Variants in STXBP5L observed in about 807,000 individuals in gnomAD.
The protein encoded by STXBP5L is syntaxin binding protein 5L.
A neutral mutation model predicts 144.5 loss-of-function variants in STXBP5L; 65 were observed. That is an observed-to-expected ratio of 0.45 (90% CI 0.37 to 0.55). The LOEUF is 0.55. Ranked by LOEUF, STXBP5L falls within the 20% of genes least tolerant of loss-of-function variation. The pLI is 0.00. For synonymous variants in STXBP5L, 505 were observed against 469.6 expected (o/e 1.08, Z -0.97); for missense variants, 1,298 against 1,405.5 (o/e 0.92, Z 1.22).
intron 5 of STXBP5L, among the ~76,000 whole-genome samples, chr3:121,069,488 C>T (rs1396759395): frequency 6.6e-6 from 1 of 151,832 alleles, no homozygotes; most frequent in Non-Finnish European, 1.5e-5. Context: ...CATAAGTTTT[C>T]GTCTCTCGGT....
rs368646754 is a variant in STXBP5L at position 120,958,773 on chromosome 3, C to G, written c.287+3736C>G. Among the ~76,000 whole-genome samples, 194 of 151,672 alleles carry G rather than the reference C, an allele frequency of 1.3e-3. 2 individuals are homozygous for G. The highest frequency in any genetic ancestry group is 0.01 in the Middle Eastern group (3 of 294). ...CGTATCTCTAAATAATAAGAGCTAT[C>G]TATGACAAACCCACAGCCAATATTA... On this transcript the variant is annotated intron_variant, in intron 3 of 26. Transcript: ENST00000471454.
At chr3:121,266,979 G>A (rs1481254661) in intron 18 of STXBP5L, among the ~76,000 whole-genome samples, 3 of 151,432 alleles carry the variant, frequency 2.0e-5, no homozygotes, top group Non-Finnish European at 3.0e-5. Flanking sequence ...CAAACAGATG[G>A]AAAAACATTC....
intron 3 of STXBP5L, among the ~76,000 whole-genome samples, chr3:120,975,515 C>T (rs1423643739): frequency 6.6e-6 from 1 of 152,166 alleles, no homozygotes. Context: ...TTCCTCTTTT[C>T]CTAATTGAAT....
chr3:121,410,381 A>C (rs2047087778), intron 23 of STXBP5L, among the ~76,000 whole-genome samples: 1 of 152,008 alleles, frequency 6.6e-6, no homozygotes, highest in Admixed American at 6.6e-5. Context: ...ACTGAAAAGG[A>C]AATAATTTTG....
chr3:121,170,722 C>G (rs1365736539), intron 9 of STXBP5L, among the ~76,000 whole-genome samples: 1 of 152,012 alleles, frequency 6.6e-6, no homozygotes, highest in Non-Finnish European at 1.5e-5. Flanking sequence ...CCAAAAACAA[C>G]CCAGCACCAG....
At chr3:121,032,477 A>C (rs1462263625) in intron 3 of STXBP5L, among the ~76,000 whole-genome samples, 1 of 152,046 alleles carries the variant, frequency 6.6e-6, no homozygotes. Flanking sequence ...CCTAGAAGAA[A>C]ACCTAGGCAT....
rs146885070 is a variant in STXBP5L at position 121,195,646 on chromosome 3, A to G, written c.878-10277A>G. 4.8e-3 allele frequency among the ~76,000 whole-genome samples: 734 copies of G among 152,308 alleles called. 10 individuals are homozygous for G. The highest frequency in any genetic ancestry group is 0.016 in the African/African-American group (676 of 41,554). On this transcript the variant is annotated intron_variant, in intron 9 of 26. Coordinates refer to ENST00000471454, the MANE Select transcript of STXBP5L (RefSeq NM_001308330.2). Reference sequence around the variant, plus strand: ...AATATTTCAGTGAATTAGTGTGTGTATGTGTATCACATTTTCTGCTTTAGT... The same window carrying G: ...AATATTTCAGTGAATTAGTGTGTGTGTGTGTATCACATTTTCTGCTTTAGT...
Position 121,121,631 on chromosome 3 carries a change from G to A in STXBP5L, c.606-10G>A. The A allele has an allele frequency of 6.3e-7, 1 of 1,587,486 alleles. No individual in the cohort carries two copies. The highest frequency in any genetic ancestry group is 8.6e-7 in the Non-Finnish European group (1 of 1,161,234). On this transcript the variant is annotated splice_polypyrimidine_tract_variant and intron_variant, in intron 6 of 26. Coordinates refer to ENST00000471454, the MANE Select transcript of STXBP5L (RefSeq NM_001308330.2). ...TGGTTTTTAATTACTGTTTTGAATT[G>A]ATTTAACAGATCCACTAAGACTCAT...
At chr3:121,360,640 C>A (rs111296638) in intron 20 of STXBP5L, among the ~76,000 whole-genome samples, 1 of 152,108 alleles carries the variant, frequency 6.6e-6, no homozygotes, top group Non-Finnish European at 1.5e-5. Flanking sequence ...GATAACAACA[C>A]TATTTGCATA....
intron 5 of STXBP5L, among the ~76,000 whole-genome samples, chr3:121,049,146 C>A (rs1408470611): frequency 6.6e-6 from 1 of 152,032 alleles, no homozygotes; most frequent in African/African-American, 2.4e-5. Flanking sequence ...GGGTTGGGGA[C>A]CCATGTAGAA....
chr3:121,394,315 T>G (rs1405625821), intron 22 of STXBP5L, among the ~76,000 whole-genome samples: 1 of 152,148 alleles, frequency 6.6e-6, no homozygotes, highest in African/African-American at 2.4e-5. Flanking sequence ...CTAGGAGTCT[T>G]TTGAAGGAGT....
chr3:121,220,382 C>T lies in STXBP5L; in HGVS notation c.957-2621C>T, dbSNP rs112208187. Among the ~76,000 whole-genome samples, 55 of 152,198 alleles carry T rather than the reference C, an allele frequency of 3.6e-4. 1 individual carries two copies. In the Middle Eastern group the frequency reaches 0.024, roughly 66 times the overall value. ...ATTTATTTCTTTTATAAGAATCCATCTGATAGGTATCCCTTAATAGAATCT... is the reference window on the plus strand; with the variant it reads ...ATTTATTTCTTTTATAAGAATCCATTTGATAGGTATCCCTTAATAGAATCT... On this transcript the variant is annotated intron_variant, in intron 10 of 26. Transcript: ENST00000471454.
chr3:121,141,230 C>A (rs752700767), intron 7 of STXBP5L, among the ~76,000 whole-genome samples: 1 of 151,954 alleles, frequency 6.6e-6, no homozygotes, highest in Non-Finnish European at 1.5e-5. Context: ...ACGGAGAAAC[C>A]CTGTGTCTAC....
chr3:121,347,598 T>C, intron 20 of STXBP5L, among the ~76,000 whole-genome samples: 1 of 152,190 alleles, frequency 6.6e-6, no homozygotes, highest in East Asian at 1.9e-4. Context: ...GAGCATGGAA[T>C]GTTCTTCCAT....
At chr3:121,037,258 C>CTT (rs371005089) in intron 3 of STXBP5L, among the ~76,000 whole-genome samples, 2 of 142,258 alleles carry the variant, frequency 1.4e-5, no homozygotes, top group South Asian at 2.2e-4. Flanking sequence ...TTTTTCTTTT[C>CTT]TTTTTTTTTT....
chr3:121,161,979 G>A (rs1324958217), intron 9 of STXBP5L, among the ~76,000 whole-genome samples: 1 of 151,986 alleles, frequency 6.6e-6, no homozygotes, highest in Non-Finnish European at 1.5e-5. Flanking sequence ...TTCTTATGAT[G>A]CAATTAGACA....
At chr3:121,330,463 G>A (rs1021205925) in intron 20 of STXBP5L, among the ~76,000 whole-genome samples, 2 of 152,164 alleles carry the variant, frequency 1.3e-5, no homozygotes, top group Non-Finnish European at 2.9e-5. Flanking sequence ...GCCACCACCT[G>A]GCTTTGCTCC....
intron 5 of STXBP5L, among the ~76,000 whole-genome samples, chr3:121,050,903 A>G (rs1947924483): frequency 6.6e-6 from 1 of 152,194 alleles, no homozygotes; most frequent in South Asian, 2.1e-4. Context: ...TACCAAGCAA[A>G]TGGAAAACAA....
intron 6 of STXBP5L, among the ~76,000 whole-genome samples, chr3:121,119,624 C>G (rs1290888309): frequency 2.0e-5 from 3 of 151,124 alleles, no homozygotes; most frequent in African/African-American, 7.3e-5. Context: ...TTTTCAGAAT[C>G]CAAAGTCCAC....
Sources: allele counts gnomAD v4.1 joint callset (sites outside exome capture counted in the v4.1 genomes callset), GRCh38; gene constraint gnomAD v4.1.1; transcripts MANE v1.5; gene names NCBI Gene and HGNC (gene_info 2026-07-23, HGNC 2026-07-21).